The following PLEKHA5 variants were observed in gnomAD, a reference collection of about 807,000 sequenced individuals.
PLEKHA5 encodes pleckstrin homology domain-containing family A member 5.
Under a neutral mutation model 181.9 loss-of-function variants are expected in PLEKHA5, and 55 were observed. That is an observed-to-expected ratio of 0.30 (90% CI 0.24 to 0.38). The LOEUF (loss-of-function observed/expected upper bound fraction) is 0.38. Among genes scored for constraint, PLEKHA5 ranks in the 10% least tolerant of loss-of-function variants. PLEKHA5 has a pLI of 1.00. For synonymous variants in PLEKHA5, 535 were observed against 529.4 expected, an observed-to-expected ratio of 1.01 and a Z score of -0.15; for missense variants, 1,432 against 1,549.5, an observed-to-expected ratio of 0.92 and a Z score of 1.27.
intron 3 of PLEKHA5, among the ~76,000 whole-genome samples, chr12:19,209,400 A>T (rs2056441083): frequency 6.6e-6 from 1 of 152,206 alleles, no homozygotes. Context: ...AATCTTGTTC[A>T]TGCCCTAATT....
At chr12:19,343,886 C>G (rs1320225021) in intron 22 of PLEKHA5, among the ~76,000 whole-genome samples, 1 of 151,914 alleles carries the variant, frequency 6.6e-6, no homozygotes, top group Non-Finnish European at 1.5e-5. Context: ...AACCCTGTCT[C>G]TACTAAAAAT....
At chr12:19,154,990 G>A (rs1469874334) in intron 3 of PLEKHA5, among the ~76,000 whole-genome samples, 1 of 152,158 alleles carries the variant, frequency 6.6e-6, no homozygotes, top group Non-Finnish European at 1.5e-5. Context: ...CACTGGTGGG[G>A]CTCAGGCATC....
At chr12:19,369,232 A>C (rs2153304460) in intron 30 of PLEKHA5, among the ~76,000 whole-genome samples, 1 of 151,274 alleles carries the variant, frequency 6.6e-6, no homozygotes, top group South Asian at 2.1e-4. Flanking sequence ...TCGGGGTTTC[A>C]CCATGTTGGC....
At chr12:19,258,655 C>T (rs1346016487) in intron 6 of PLEKHA5, among the ~76,000 whole-genome samples, 1 of 151,108 alleles carries the variant, frequency 6.6e-6, no homozygotes, top group Non-Finnish European at 1.5e-5. Flanking sequence ...ACCTCTGCCT[C>T]CCGGGCTCAA....
chr12:19,345,451 A>T (rs964798709), intron 22 of PLEKHA5, among the ~76,000 whole-genome samples: 9 of 151,288 alleles, frequency 5.9e-5, no homozygotes, highest in East Asian at 1.9e-4. Context: ...AAATAAATTT[A>T]AAAAAAAATA....
At chr12:19,154,384 T>C (rs1016700299) in intron 3 of PLEKHA5, 24 of 151,946 alleles carry the variant, frequency 1.6e-4, no homozygotes, top group African/African-American at 5.8e-4. Flanking sequence ...CTTTCTTCTC[T>C]TCCTTGTTTT....
intron 20 of PLEKHA5, 53 bp from the exon 21 acceptor site, chr12:19,336,462 C>T: frequency 1.1e-6 from 1 of 912,460 alleles, no homozygotes; most frequent in Admixed American, 2.0e-5. Context: ...GGAGTGATAA[C>T]ACCATAAAAG....
chr12:19,342,196 G>T (rs557248449), intron 21 of PLEKHA5, among the ~76,000 whole-genome samples: 1 of 152,226 alleles, frequency 6.6e-6, no homozygotes, highest in South Asian at 2.1e-4. Context: ...TAAAAATAAA[G>T]TTACATTCCT....
chr12:19,247,643 C>T (rs2064078880), intron 3 of PLEKHA5, among the ~76,000 whole-genome samples: 1 of 151,594 alleles, frequency 6.6e-6, no homozygotes, highest in Non-Finnish European at 1.5e-5. Context: ...TTCATTTACT[C>T]TTCTGATTGT....
At chr12:19,271,745 C>T (rs182806266) in intron 10 of PLEKHA5, among the ~76,000 whole-genome samples, 197 of 152,212 alleles carry the variant, frequency 1.3e-3, no homozygotes, top group Non-Finnish European at 1.6e-3. Context: ...TTTGGCTTGG[C>T]TTTTGGCAAC....
At chr12:19,303,067 G>A (rs956543390) in intron 15 of PLEKHA5, among the ~76,000 whole-genome samples, 5 of 151,128 alleles carry the variant, frequency 3.3e-5, no homozygotes, top group Non-Finnish European at 5.9e-5. Flanking sequence ...GACTACAGGC[G>A]CACACCACCG....
At chr12:19,179,483 A>G (rs532933128) in intron 3 of PLEKHA5, among the ~76,000 whole-genome samples, 1 of 152,110 alleles carries the variant, frequency 6.6e-6, no homozygotes, top group South Asian at 2.1e-4. Context: ...ATGGAGCGAA[A>G]GCCCGTCTTT....
At chr12:19,231,267 G>C (rs945133827) in intron 3 of PLEKHA5, among the ~76,000 whole-genome samples, 1 of 151,682 alleles carries the variant, frequency 6.6e-6, no homozygotes, top group South Asian at 2.1e-4. Context: ...CCAAGCAGAT[G>C]GTACAAGTGT....
intron 3 of PLEKHA5, among the ~76,000 whole-genome samples, chr12:19,185,626 A>G (rs1210455083): frequency 6.6e-6 from 1 of 152,214 alleles, no homozygotes; most frequent in Admixed American, 6.5e-5. Flanking sequence ...AAATTAATTG[A>G]ACCAATACAT....
chr12:19,140,156 T>C (rs1447410286), intron 3 of PLEKHA5, among the ~76,000 whole-genome samples: 1 of 152,188 alleles, frequency 6.6e-6, no homozygotes, highest in African/African-American at 2.4e-5. Context: ...TCTGCCCGTC[T>C]GGGGAGTGGG....
intron 3 of PLEKHA5, among the ~76,000 whole-genome samples, chr12:19,208,384 G>A (rs1383417175): frequency 6.8e-6 from 1 of 146,418 alleles, no homozygotes; most frequent in Non-Finnish European, 1.5e-5. Flanking sequence ...CCCAGCCTGG[G>A]CAACAGAGCA....
rs780551898 is a variant in PLEKHA5, at chr12:19,369,739, A to G, written c.3801A>G (p.Pro1267=). 3.1e-6 allele frequency: 5 copies of G among 1,612,880 alleles called. No homozygotes were observed. Among genetic ancestry groups the G allele is most frequent in the African/African-American group, 1.3e-5 (1 of 74,928 alleles). ...PSPESSASPV[P]STQPQLTEGS... ...CTGAGTCCTCGGCATCGCCAGTTCC[A>G]TCCACTCAGCCGCAGCTCACAGAAG... The change falls in exon 31 of 32, where the codon CCA becomes CCG. Residue 1267 remains proline (P), a synonymous_variant. Coordinates refer to ENST00000429027, the MANE Select transcript of PLEKHA5 (RefSeq NM_001256470.2).
chr12:19,322,464 AAG>A (rs756400394), intron 19 of PLEKHA5, 52 bp from the exon 20 acceptor site: 4 of 1,592,800 alleles, frequency 2.5e-6, no homozygotes, highest in Non-Finnish European at 3.4e-6. Context: ...GATAAGTAAA[AAG>A]AATTAATACA....
chr12:19,216,534 G>A (rs1015491926), intron 3 of PLEKHA5, among the ~76,000 whole-genome samples: 2 of 152,008 alleles, frequency 1.3e-5, no homozygotes, highest in African/African-American at 4.8e-5. Flanking sequence ...GTGGTAGCAG[G>A]CACTTGTAGT....
Sources: allele counts gnomAD v4.1 joint callset (sites outside exome capture counted in the v4.1 genomes callset), GRCh38; gene constraint gnomAD v4.1.1; transcripts MANE v1.5; gene names NCBI Gene and HGNC (gene_info 2026-07-23, HGNC 2026-07-21).